PPP1CB: variants seen among roughly 807,000 people sequenced by gnomAD.
The protein encoded by PPP1CB is protein phosphatase 1 catalytic subunit beta.
PPP1CB carries 2 observed loss-of-function variants against 43.7 expected under a neutral mutation model. The ratio of observed to expected loss-of-function variants is 0.05; its 90% CI spans 0.02 to 0.14. PPP1CB has a LOEUF of 0.14. Among genes scored for constraint, PPP1CB ranks in the 10% least tolerant of loss-of-function variants. The pLI, the probability that PPP1CB is intolerant of heterozygous loss-of-function variation, is 1.00. For synonymous variants in PPP1CB, 136 were observed against 135.6 expected (o/e 1.00, Z -0.02); for missense variants, 84 against 398.0 (o/e 0.21, Z 6.71).
At chr2:28,753,549 G>C (rs1325038983) in intron 1 of PPP1CB, among the ~76,000 whole-genome samples, 4 of 152,282 alleles carry the variant, frequency 2.6e-5, no homozygotes, top group Admixed American at 6.5e-5. Flanking sequence ...GCCCCCTGGT[G>C]CCTGCAGTCA....
At chr2:28,762,388 G>A (rs1180788292) in intron 1 of PPP1CB, among the ~76,000 whole-genome samples, 1 of 152,186 alleles carries the variant, frequency 6.6e-6, no homozygotes, top group Non-Finnish European at 1.5e-5. Context: ...TGTGAGAAGT[G>A]CCATCATTTT....
Position 28,751,934 on chromosome 2 carries a change from T to C in PPP1CB, c.-191T>C. Reference sequence around the variant, plus strand: ...TATTTATTTATTTTCCGTGGGTGCCTCCGAGTGTGCGCGCGCTCTCGCTAC... The same window carrying C: ...TATTTATTTATTTTCCGTGGGTGCCCCCGAGTGTGCGCGCGCTCTCGCTAC... On this transcript the variant is annotated 5_prime_UTR_variant, in exon 1 of 8. Transcript: ENST00000395366. 1 of 630,976 alleles carries C rather than the reference T, an allele frequency of 1.6e-6. No homozygotes were observed. The allele number at this position is 630,976 out of a possible 1,614,324, so 39.1% of individuals were successfully genotyped here. A position where few individuals can be genotyped will look rare whatever the true frequency, so the allele number is the denominator to read the frequency against.
rs1307852030 is a variant in PPP1CB, at chr2:28,769,523, T to C, written c.53-7328T>C. Among the ~76,000 whole-genome samples the C allele has an allele frequency of 3.3e-5, 5 of 152,254 alleles. No homozygotes were observed. The South Asian group carries it at 8.3e-4, about 25-fold the overall frequency. On this transcript the variant is annotated intron_variant, in intron 1 of 7. Transcript: ENST00000395366. ...AAGACAAACTAAAGCTCAGAAAATATATTGCTGATATGCTGACACTAGAGA... is the reference window on the plus strand; with the variant it reads ...AAGACAAACTAAAGCTCAGAAAATACATTGCTGATATGCTGACACTAGAGA...
intron 1 of PPP1CB, among the ~76,000 whole-genome samples, chr2:28,763,853 G>C (rs1387698634): frequency 2.0e-5 from 3 of 152,002 alleles, no homozygotes; most frequent in Non-Finnish European, 4.4e-5. Flanking sequence ...TTACAGGTGC[G>C]CGCCACCACA....
In PPP1CB at chr2:28,801,719, A is replaced by AT. The variant is rs1305925580; in HGVS notation, c.*2423dup. On this transcript the variant is annotated 3_prime_UTR_variant, in exon 8 of 8. Coordinates refer to ENST00000395366, the MANE Select transcript of PPP1CB (RefSeq NM_002709.3). ...TCCTCTGATTTTTTTCAGGTTAGTG[A>AT]TTTTTTTGTATACAATTTAATCCAA... is the stretch of plus-strand genomic sequence containing the variant. 5 of 152,140 alleles carry AT rather than the reference A, an allele frequency of 3.3e-5. No homozygotes were observed. The East Asian group carries it at 7.7e-4, about 24-fold the overall frequency. 9.4% of individuals were successfully genotyped at this position (152,140 alleles called of 1,614,324 possible).
chr2:28,781,899 CCT>C (rs1558306456), intron 4 of PPP1CB, 57 bp downstream of exon 4: 2 of 1,157,992 alleles, frequency 1.7e-6, no homozygotes, highest in South Asian at 2.5e-5. Context: ...TCGGAAAATA[CCT>C]ATAATAATCA....
chr2:28,781,353 A>G (rs1012560957), intron 3 of PPP1CB, among the ~76,000 whole-genome samples: 1 of 152,192 alleles, frequency 6.6e-6, no homozygotes. Flanking sequence ...GGGAGAAAAC[A>G]ACACTTAAAA....
At position 28,799,800 on chromosome 2, in the gene PPP1CB, A is replaced by G. The variant is rs909851276; in HGVS notation, c.*497A>G. On this transcript the variant is annotated 3_prime_UTR_variant, in exon 8 of 8. Coordinates refer to ENST00000395366, the MANE Select transcript of PPP1CB (RefSeq NM_002709.3). ...AGAGCTTTACAGACATTCACCAACT[A>G]TTATTTTCCCTTGTTTATCTACTTA... is the stretch of plus-strand genomic sequence containing the variant. The G allele has an allele frequency of 6.6e-6, 1 of 152,572 alleles. No homozygotes were observed. The highest frequency in any genetic ancestry group is 2.4e-5 in the African/African-American group (1 of 41,430). The allele number at this position is 152,572 out of a possible 1,614,324, so 9.5% of individuals were successfully genotyped here.
At chr2:28,791,930 A>C (rs2148059041) in intron 6 of PPP1CB, among the ~76,000 whole-genome samples, 1 of 152,352 alleles carries the variant, frequency 6.6e-6, no homozygotes, top group Admixed American at 6.5e-5. Context: ...CCCTTTAAAA[A>C]AGAAAATTTG....
At chr2:28,780,655 G>A (rs1667140884) in intron 3 of PPP1CB, among the ~76,000 whole-genome samples, 1 of 152,154 alleles carries the variant, frequency 6.6e-6, no homozygotes, top group Non-Finnish European at 1.5e-5. Context: ...TGTAAACAGT[G>A]CTTTGAGTTA....
chr2:28,753,339 G>A (rs1409684877), intron 1 of PPP1CB, among the ~76,000 whole-genome samples: 2 of 152,208 alleles, frequency 1.3e-5, no homozygotes, highest in East Asian at 1.9e-4. Flanking sequence ...ATTGTAATGG[G>A]GGAGGGGTAA....
At chr2:28,784,985 C>A (rs1290873342) in intron 5 of PPP1CB, among the ~76,000 whole-genome samples, 1 of 146,028 alleles carries the variant, frequency 6.8e-6, no homozygotes, top group Non-Finnish European at 1.5e-5. Flanking sequence ...AACTACACAT[C>A]AACCATTATA....
At chr2:28,765,397 G>C (rs1484825423) in intron 1 of PPP1CB, among the ~76,000 whole-genome samples, 2 of 152,184 alleles carry the variant, frequency 1.3e-5, no homozygotes, top group Admixed American at 6.5e-5. Context: ...CCTGATACTT[G>C]CCTTTCAGCA....
intron 6 of PPP1CB, among the ~76,000 whole-genome samples, chr2:28,790,195 C>T (rs963740724): frequency 6.6e-6 from 1 of 152,042 alleles, no homozygotes; most frequent in Admixed American, 6.6e-5. Flanking sequence ...GCAGGAAAGT[C>T]GCTTGAGCTC....
At chr2:28,787,040 G>GT (rs1667282978) in intron 5 of PPP1CB, among the ~76,000 whole-genome samples, 1 of 152,140 alleles carries the variant, frequency 6.6e-6, no homozygotes. Context: ...TCTACAAATG[G>GT]TTTTATAATG....
At chr2:28,792,913 T>G (rs984741860) in intron 6 of PPP1CB, among the ~76,000 whole-genome samples, 1 of 152,054 alleles carries the variant, frequency 6.6e-6, no homozygotes, top group Non-Finnish European at 1.5e-5. Flanking sequence ...CTAGAAATGT[T>G]AACTCATCAA....
intron 1 of PPP1CB, among the ~76,000 whole-genome samples, chr2:28,766,866 G>A (rs1241838314): frequency 1.3e-5 from 2 of 152,158 alleles, no homozygotes; most frequent in African/African-American, 4.8e-5. Flanking sequence ...CAGATCACGA[G>A]GTCAGGAGAT....
At chr2:28,794,857 T>C (rs1667466015) in intron 7 of PPP1CB, among the ~76,000 whole-genome samples, 1 of 152,144 alleles carries the variant, frequency 6.6e-6, no homozygotes, top group Admixed American at 6.5e-5. Flanking sequence ...TTTTATTAAT[T>C]TATGTACGTA....
chr2:28,757,932 G>T (rs905351733), intron 1 of PPP1CB, among the ~76,000 whole-genome samples: 21 of 151,666 alleles, frequency 1.4e-4, no homozygotes, highest in African/African-American at 5.1e-4. Context: ...TAAGAGTCAG[G>T]ATTAGTGGGG....
Sources: allele counts gnomAD v4.1 joint callset (sites outside exome capture counted in the v4.1 genomes callset), GRCh38; gene constraint gnomAD v4.1.1; transcripts MANE v1.5; gene names NCBI Gene and HGNC (gene_info 2026-07-23, HGNC 2026-07-21).